Variants in RNF13 observed in about 807,000 individuals in gnomAD.
The protein encoded by RNF13 is ring finger protein 13, also known as E3 ubiquitin-protein ligase RNF13.
A neutral mutation model predicts 37.7 loss-of-function variants in RNF13; 19 were observed. That is an observed-to-expected ratio of 0.50 (90% CI 0.35 to 0.74). The LOEUF (loss-of-function observed/expected upper bound fraction) is 0.74. Among genes scored for constraint, RNF13 ranks in the 30% least tolerant of loss-of-function variants. RNF13 has a pLI of 0.01. For missense variants in RNF13, 375 were observed against 453.0 expected (o/e 0.83, Z 1.56); for synonymous variants, 144 against 157.8 (o/e 0.91, Z 0.65).
At chr3:149,850,930 T>C (rs1723064761) in intron 2 of RNF13, among the ~76,000 whole-genome samples, 1 of 152,206 alleles carries the variant, frequency 6.6e-6, no homozygotes, top group Admixed American at 6.5e-5. Context: ...AAATATGAAT[T>C]ATTGTTGCAA....
chr3:149,831,288 ACT>A (rs1396955027), intron 1 of RNF13, among the ~76,000 whole-genome samples: 1 of 151,962 alleles, frequency 6.6e-6, no homozygotes, highest in African/African-American at 2.4e-5. Context: ...AAAGCTTTAC[ACT>A]CTCAATGCCA....
At chr3:149,870,478 T>C (rs1389082144) in intron 3 of RNF13, among the ~76,000 whole-genome samples, 2 of 151,866 alleles carry the variant, frequency 1.3e-5, no homozygotes, top group Non-Finnish European at 2.9e-5. Context: ...CAAACCAGCT[T>C]GCTTCTGCAT....
chr3:149,932,189 G>C (rs1719223703), intron 8 of RNF13, among the ~76,000 whole-genome samples: 1 of 151,972 alleles, frequency 6.6e-6, no homozygotes, highest in African/African-American at 2.4e-5. Context: ...CCTTTCTTTT[G>C]GACACATATC....
At chr3:149,861,109 A>G (rs79585855) in intron 3 of RNF13, among the ~76,000 whole-genome samples, 1 of 152,178 alleles carries the variant, frequency 6.6e-6, no homozygotes, top group Non-Finnish European at 1.5e-5. Flanking sequence ...ACAAAAAAAA[A>G]GACAGATTTT....
At chr3:149,936,513 CT>C (rs1446651814) in intron 8 of RNF13, among the ~76,000 whole-genome samples, 2 of 152,002 alleles carry the variant, frequency 1.3e-5, no homozygotes, top group African/African-American at 4.8e-5. Context: ...TCAAAACCCT[CT>C]CATGCATTTT....
At chr3:149,888,826 G>A (rs994019343) in intron 4 of RNF13, among the ~76,000 whole-genome samples, 4 of 152,134 alleles carry the variant, frequency 2.6e-5, no homozygotes, top group Non-Finnish European at 5.9e-5. Flanking sequence ...AAACAATGAA[G>A]TACACTTAAC....
chr3:149,865,258 T>G (rs529060247), intron 3 of RNF13, among the ~76,000 whole-genome samples: 1 of 150,752 alleles, frequency 6.6e-6, no homozygotes, highest in East Asian at 1.9e-4. Context: ...ATGGTTACAG[T>G]AGACTGGAGC....
chr3:149,895,932 T>G (rs1453192882), intron 5 of RNF13, among the ~76,000 whole-genome samples: 1 of 152,218 alleles, frequency 6.6e-6, no homozygotes, highest in Non-Finnish European at 1.5e-5. Context: ...TGCTATAATC[T>G]GCTGGAGTTC....
At chr3:149,825,504 C>T (rs1360604501) in intron 1 of RNF13, among the ~76,000 whole-genome samples, 1 of 152,208 alleles carries the variant, frequency 6.6e-6, no homozygotes, top group Non-Finnish European at 1.5e-5. Flanking sequence ...CATTCCAGGC[C>T]TGGTGCCTGC....
At chr3:149,907,828 A>C (rs901624089) in intron 6 of RNF13, among the ~76,000 whole-genome samples, 2 of 152,218 alleles carry the variant, frequency 1.3e-5, no homozygotes, top group South Asian at 4.1e-4. Flanking sequence ...ATCCTTGACC[A>C]TATACTATGT....
intron 1 of RNF13, among the ~76,000 whole-genome samples, chr3:149,816,614 A>G (rs1334676345): frequency 6.6e-6 from 1 of 151,994 alleles, no homozygotes; most frequent in African/African-American, 2.4e-5. Context: ...GACACTGCCC[A>G]AGCAAAGGTA....
chr3:149,889,599 G>T (rs114057551), intron 4 of RNF13, among the ~76,000 whole-genome samples: 2,864 of 151,624 alleles, frequency 0.019, 42 homozygotes, highest in Middle Eastern at 0.031. Flanking sequence ...CACTGCACTT[G>T]GCCCCAAATA....
intron 5 of RNF13, among the ~76,000 whole-genome samples, chr3:149,899,658 TTAG>T (rs1213894722): frequency 6.6e-6 from 1 of 152,084 alleles, no homozygotes; most frequent in Non-Finnish European, 1.5e-5. Flanking sequence ...GTTTGGAGTA[TTAG>T]TAGTTAAAGT....
At chr3:149,876,974 T>A (rs1712784685) in intron 4 of RNF13, among the ~76,000 whole-genome samples, 2 of 151,876 alleles carry the variant, frequency 1.3e-5, no homozygotes, top group Admixed American at 1.3e-4. Flanking sequence ...GAGATGGTAT[T>A]TCATCATGTT....
At chr3:149,889,665 T>C (rs1714480883) in intron 4 of RNF13, among the ~76,000 whole-genome samples, 1 of 148,482 alleles carries the variant, frequency 6.7e-6, no homozygotes, top group East Asian at 2.0e-4. Flanking sequence ...TTTTTTTTTT[T>C]TTTTTTTGAG....
chr3:149,814,482 G>A (rs181579611), intron 1 of RNF13, among the ~76,000 whole-genome samples: 3 of 152,280 alleles, frequency 2.0e-5, no homozygotes, highest in East Asian at 3.9e-4. Context: ...TGTAGTGCAG[G>A]AAGTGTAGTG....
intron 8 of RNF13, among the ~76,000 whole-genome samples, chr3:149,941,791 A>AT (rs1192859088): frequency 2.0e-5 from 3 of 150,618 alleles, no homozygotes; most frequent in Admixed American, 6.6e-5. Flanking sequence ...TTTCCCCTAT[A>AT]TTTTTTTCTA....
intron 7 of RNF13, among the ~76,000 whole-genome samples, chr3:149,913,124 A>G (rs1244034466): frequency 1.3e-5 from 2 of 152,086 alleles, no homozygotes; most frequent in Non-Finnish European, 2.9e-5. Flanking sequence ...CTATCTTTAA[A>G]ATGTTCAGTC....
intron 4 of RNF13, among the ~76,000 whole-genome samples, chr3:149,875,148 A>G (rs1422767357): frequency 6.6e-6 from 1 of 152,148 alleles, no homozygotes; most frequent in Non-Finnish European, 1.5e-5. Context: ...GGAAAACTTA[A>G]TTCAACTCCA....
Sources: allele counts gnomAD v4.1 joint callset (sites outside exome capture counted in the v4.1 genomes callset), GRCh38; gene constraint gnomAD v4.1.1; transcripts MANE v1.5; gene names NCBI Gene and HGNC (gene_info 2026-07-23, HGNC 2026-07-21).